MTNR1A: variants seen among roughly 807,000 people sequenced by gnomAD.
The protein encoded by MTNR1A is melatonin receptor type 1A.
In MTNR1A, 7 loss-of-function variants were observed where a neutral mutation model predicts 5.5. The ratio of observed to expected loss-of-function variants is 1.28; its 90% CI spans 0.73 to 2.40. The LOEUF (loss-of-function observed/expected upper bound fraction) is 2.40, where lower values mean the gene tolerates loss of function less well. Among genes scored for constraint, MTNR1A ranks in the 30% most tolerant of loss-of-function variants. The pLI is 0.00. For synonymous variants in MTNR1A, 196 were observed against 202.7 expected (o/e 0.97, Z 0.28); for missense variants, 441 against 464.4 (o/e 0.95, Z 0.46).
chr4:186,554,308 T>C (rs1737326435), intron 1 of MTNR1A, among the ~76,000 whole-genome samples: 2 of 152,150 alleles, frequency 1.3e-5, no homozygotes, highest in African/African-American at 2.4e-5. Flanking sequence ...CTTAACCACC[T>C]GGTTAAAACG....
At chr4:186,537,577 T>C (rs542893150) in intron 1 of MTNR1A, among the ~76,000 whole-genome samples, 2 of 152,360 alleles carry the variant, frequency 1.3e-5, no homozygotes, top group African/African-American at 4.8e-5. Context: ...GATGTTAAAA[T>C]TGAGAGATGG....
chr4:186,555,398 C>G lies in MTNR1A; in HGVS notation c.-33G>C. ...GTGCGCGTCCCGGCCGCGGGGCCAT[C>G]GCCCGCCTCGTCCGCCCGCCCGACC... On this transcript the variant is annotated 5_prime_UTR_variant, in exon 1 of 2. Coordinates refer to ENST00000307161, the MANE Select transcript of MTNR1A (RefSeq NM_005958.4). This position sits in a 1 kb window ranked among gnomAD's most constrained non-coding sequence, Gnocchi z 4.1. The G allele has an allele frequency of 1.5e-6, 2 of 1,364,320 alleles. No individual in the cohort carries two copies. Among genetic ancestry groups the G allele is most frequent in the Non-Finnish European group, 9.5e-7 (1 of 1,057,414 alleles). 84.5% of individuals were successfully genotyped at this position (1,364,320 alleles called of 1,614,324 possible).
In MTNR1A at chr4:186,534,300, C is replaced by A. The variant is rs762288381; in HGVS notation, c.442G>T (p.Val148Leu). The change falls in exon 2 of 2, where the codon GTG (valine) becomes TTG (leucine). Residue 148 changes from valine (V) to leucine (L), a missense_variant. By Grantham distance (32) the Val-to-Leu change is conservative. Coordinates refer to ENST00000307161, the MANE Select transcript of MTNR1A (RefSeq NM_005958.4). ...LYSSKNSLCYVLLIWLLTLAA... is the reference protein window; with the variant it reads ...LYSSKNSLCYLLLIWLLTLAA... ...AGCGTCAGGAGCCATATGAGGAGCACGTAGCAGAGGGAGTTCTTGCTGCTG... is the reference window on the plus strand; with the variant it reads ...AGCGTCAGGAGCCATATGAGGAGCAAGTAGCAGAGGGAGTTCTTGCTGCTG... 6.2e-7 allele frequency: 1 copy of A among 1,614,136 alleles called. No individual in the cohort carries two copies. The highest frequency in any genetic ancestry group is 1.1e-5 in the South Asian group (1 of 91,084).
intron 1 of MTNR1A, among the ~76,000 whole-genome samples, chr4:186,547,897 T>C (rs1737191338): frequency 6.6e-6 from 1 of 152,188 alleles, no homozygotes. Context: ...ATCCTGCTCA[T>C]TTTCTATGCC....
In MTNR1A at chr4:186,541,459, C is replaced by T. The variant is rs200558024; in HGVS notation, c.185-6902G>A. Among the ~76,000 whole-genome samples the T allele has an allele frequency of 1.9e-4, 28 of 149,112 alleles. No homozygotes were observed. In the East Asian group the frequency reaches 5.4e-3, roughly 29 times the overall value. ...CATGGGCAGTGGCTAATGGTCAGCT[C>T]GATCAGGTTGGAGACGGCTGATCTA... On this transcript the variant is annotated intron_variant, in intron 1 of 1. Coordinates refer to ENST00000307161, the MANE Select transcript of MTNR1A (RefSeq NM_005958.4).
At chr4:186,550,478 T>C (rs1375738868) in intron 1 of MTNR1A, among the ~76,000 whole-genome samples, 1 of 152,210 alleles carries the variant, frequency 6.6e-6, no homozygotes, top group African/African-American at 2.4e-5. Flanking sequence ...TGATTATTTT[T>C]AAAAGGTGCT....
At chr4:186,541,144 C>A (rs1277437493) in intron 1 of MTNR1A, among the ~76,000 whole-genome samples, 2 of 152,200 alleles carry the variant, frequency 1.3e-5, no homozygotes, top group African/African-American at 2.4e-5. Context: ...AAGAAAAAAA[C>A]CTTCTTGCCT....
In MTNR1A at chr4:186,538,327, C is replaced by T. The variant is rs114830555; in HGVS notation, c.185-3770G>A. Among the ~76,000 whole-genome samples the T allele has an allele frequency of 9.0e-3, 1,377 of 152,306 alleles. 28 individuals carry two copies. Among genetic ancestry groups the T allele is most frequent in the African/African-American group, 0.03 (1,249 of 41,560 alleles). On this transcript the variant is annotated intron_variant, in intron 1 of 1. Transcript: ENST00000307161. ...GAAAAGACTTTTCCTTGCACCGCTCCGGGTTAGTGTTCCCCACAAGAGGCA... is the reference window on the plus strand; with the variant it reads ...GAAAAGACTTTTCCTTGCACCGCTCTGGGTTAGTGTTCCCCACAAGAGGCA...
intron 1 of MTNR1A, among the ~76,000 whole-genome samples, chr4:186,553,451 G>T (rs1212877475): frequency 6.6e-6 from 1 of 152,206 alleles, no homozygotes; most frequent in Admixed American, 6.5e-5. Context: ...GAGTTCTTAA[G>T]TTCTTCTTCA....
intron 1 of MTNR1A, among the ~76,000 whole-genome samples, chr4:186,543,849 G>A (rs1737080085): frequency 1.3e-5 from 2 of 152,154 alleles, no homozygotes; most frequent in South Asian, 4.1e-4. Flanking sequence ...TAGAACCCAA[G>A]TTGTCAAGGG....
intron 1 of MTNR1A, among the ~76,000 whole-genome samples, chr4:186,544,240 C>A (rs1052060030): frequency 6.6e-6 from 1 of 152,158 alleles, no homozygotes; most frequent in Non-Finnish European, 1.5e-5. Context: ...AGGATAGTCT[C>A]GATCTCTTGA....
chr4:186,546,230 G>T (rs1737137903), intron 1 of MTNR1A, among the ~76,000 whole-genome samples: 1 of 152,000 alleles, frequency 6.6e-6, no homozygotes, highest in Non-Finnish European at 1.5e-5. Context: ...TTGCTTCACG[G>T]AAGGTTCCTC....
At chr4:186,551,841 G>A (rs1737272483) in intron 1 of MTNR1A, among the ~76,000 whole-genome samples, 1 of 152,092 alleles carries the variant, frequency 6.6e-6, no homozygotes, top group Non-Finnish European at 1.5e-5. Context: ...AAAGCAACAA[G>A]TGCAAGAGAG....
chr4:186,549,826 A>G (rs894041413), intron 1 of MTNR1A, among the ~76,000 whole-genome samples: 10 of 152,218 alleles, frequency 6.6e-5, no homozygotes, highest in African/African-American at 1.7e-4. Flanking sequence ...ATTCTGCCTT[A>G]TACTCTAGGA....
intron 1 of MTNR1A, among the ~76,000 whole-genome samples, chr4:186,548,151 T>C (rs1737195060): frequency 6.6e-6 from 1 of 152,188 alleles, no homozygotes; most frequent in Non-Finnish European, 1.5e-5. Flanking sequence ...TAGGAGTCTT[T>C]TTTCCCTTAG....
In MTNR1A at chr4:186,541,240, G is replaced by C. The variant is rs114368399; in HGVS notation, c.185-6683C>G. 8.4e-3 allele frequency among the ~76,000 whole-genome samples: 1,285 copies of C among 152,270 alleles called. 9 individuals are homozygous for C. Among genetic ancestry groups the C allele is most frequent in the Non-Finnish European group, 0.014 (940 of 68,022 alleles). On this transcript the variant is annotated intron_variant, in intron 1 of 1. Transcript: ENST00000307161. ...TACAGACCCAATTCAGTACAGCCCT[G>C]AAAAACAAGGATGGAGGAAGACCCT...
intron 1 of MTNR1A, among the ~76,000 whole-genome samples, chr4:186,544,492 G>C (rs923822325): frequency 1.3e-5 from 2 of 152,152 alleles, no homozygotes; most frequent in Non-Finnish European, 2.9e-5. Context: ...AGGCTGATTT[G>C]CATTTGAATG....
rs747723392 is a variant in MTNR1A at position 186,537,086 on chromosome 4, T to TC, written c.185-2530_185-2529insG. ...ATACCCTGCTTCATTTATTTTATAG[T>TC]AATTATGTTGCATTACAATTCAAGC... On this transcript the variant is annotated intron_variant, in intron 1 of 1. Coordinates refer to ENST00000307161, the MANE Select transcript of MTNR1A (RefSeq NM_005958.4). 3.4e-3 allele frequency among the ~76,000 whole-genome samples: 523 copies of TC among 152,336 alleles called. 2 individuals carry two copies. Among genetic ancestry groups the TC allele is most frequent in the Non-Finnish European group, 5.4e-3 (364 of 68,030 alleles).
At chr4:186,534,599 A>G (rs1478035986) in intron 1 of MTNR1A, 42 bp from the exon 2 acceptor site, 1 of 1,598,418 alleles carries the variant, frequency 6.3e-7, no homozygotes, top group South Asian at 1.1e-5. Flanking sequence ...ATACCAGTTC[A>G]CAGTGGGTTT....
Sources: gnomAD v4.1 joint callset for allele counts (sites outside exome capture counted in the v4.1 genomes callset) on GRCh38, gnomAD v4.1.1 for gene constraint, Gnocchi (gnomAD v3.1) non-coding constraint, MANE v1.5 for transcripts, NCBI Gene and HGNC (gene_info 2026-07-23, HGNC 2026-07-21) for gene names.